The following ZNF451 variants were observed in gnomAD, a reference collection of about 807,000 sequenced individuals.
ZNF451 encodes E3 SUMO-protein ligase ZNF451.
A neutral mutation model predicts 107.1 loss-of-function variants in ZNF451; 80 were observed. That is an observed-to-expected ratio of 0.75 (90% CI 0.62 to 0.90). The LOEUF (loss-of-function observed/expected upper bound fraction) is 0.90. Ranked by LOEUF, ZNF451 falls within the 40% of genes least tolerant of loss-of-function variation. The probability of loss-of-function intolerance (pLI) is 0.00; values close to 1 mark genes in which losing one functional copy is unlikely to be tolerated. For missense variants in ZNF451, 1,107 were observed against 1,236.2 expected, an observed-to-expected ratio of 0.90 and a Z score of 1.57; for synonymous variants, 362 against 406.5, an observed-to-expected ratio of 0.89 and a Z score of 1.32.
At chr6:57,098,170 A>G (rs1029780022) in intron 2 of ZNF451, among the ~76,000 whole-genome samples, 6 of 149,376 alleles carry the variant, frequency 4.0e-5, no homozygotes, top group Non-Finnish European at 8.9e-5. Flanking sequence ...GAGTTTTACC[A>G]TGTTGGTCAG....
rs1764049988 is a variant in ZNF451, at chr6:57,169,786, T to C, written c.*1317T>C. 2.0e-5 allele frequency: 3 copies of C among 152,210 alleles called. No homozygotes were observed. Among genetic ancestry groups the C allele is most frequent in the African/African-American group, 4.8e-5 (2 of 41,452 alleles). 9.4% of individuals were successfully genotyped at this position (152,210 alleles called of 1,614,324 possible). ...ACATTGTGGCTTGAGAATTTATCAATCATCTTTCCGAAATGACCACATTGT... is the reference window on the plus strand; with the variant it reads ...ACATTGTGGCTTGAGAATTTATCAACCATCTTTCCGAAATGACCACATTGT... On this transcript the variant is annotated 3_prime_UTR_variant, in exon 15 of 15. Coordinates refer to ENST00000370706, the MANE Select transcript of ZNF451 (RefSeq NM_001031623.3).
chr6:57,158,574 T>C, intron 13 of ZNF451: 1 of 985,368 alleles, frequency 1.0e-6, no homozygotes, highest in Non-Finnish European at 1.2e-6. Flanking sequence ...CTTATTGGAG[T>C]ACTGCAACAT....
Position 57,142,065 on chromosome 6 carries a change from G to A in ZNF451, c.974G>A (p.Arg325His), listed in dbSNP as rs754581391. 1.4e-5 allele frequency: 23 copies of A among 1,613,244 alleles called. No homozygotes were observed. Among genetic ancestry groups the A allele is most frequent in the African/African-American group, 5.3e-5 (4 of 74,930 alleles). Residue 325 changes from arginine to histidine, a missense_variant, in exon 9 of 15, where the codon CGT (arginine) becomes CAT (histidine). Coordinates refer to ENST00000370706, the MANE Select transcript of ZNF451 (RefSeq NM_001031623.3). ...TGTGTGGCCTGCCACAAGACACTGC[G>A]TTCCCACATGGAGCTCACTGCCCAT... ...VKCVACHKTLRSHMELTAHFR... is the reference protein window; with the variant it reads ...VKCVACHKTLHSHMELTAHFR...
chr6:57,105,004 T>C, intron 3 of ZNF451: 1 of 982,748 alleles, frequency 1.0e-6, no homozygotes, highest in South Asian at 4.7e-5. Context: ...GTGTTAATTT[T>C]TTATTATTTT....
At chr6:57,128,090 A>G (rs1831016215) in intron 4 of ZNF451, among the ~76,000 whole-genome samples, 1 of 152,220 alleles carries the variant, frequency 6.6e-6, no homozygotes, top group Non-Finnish European at 1.5e-5. Context: ...CCCTTGGTCT[A>G]GATGGCAACA....
At chr6:57,102,376 C>G in intron 3 of ZNF451, 3 of 1,097,604 alleles carry the variant, frequency 2.7e-6, no homozygotes, top group Non-Finnish European at 3.3e-6. Context: ...GGAGGAGGAC[C>G]ACTCAGGAAT....
chr6:57,131,388 ACTTT>A (rs1353762713), intron 5 of ZNF451, among the ~76,000 whole-genome samples: 9 of 152,158 alleles, frequency 5.9e-5, no homozygotes, highest in African/African-American at 1.9e-4. Flanking sequence ...GGCTTCTCCA[ACTTT>A]ATTTTTATCC....
At chr6:57,165,450 T>C (rs557419606) in intron 14 of ZNF451, 4 of 152,254 alleles carry the variant, frequency 2.6e-5, no homozygotes, top group South Asian at 2.1e-4. Context: ...GATTGATTGA[T>C]TGATTGATTG....
Position 57,102,051 on chromosome 6 carries a change from T to C in ZNF451, c.186+2910T>C, listed in dbSNP as rs145086843. 1.8e-4 allele frequency: 272 copies of C among 1,536,468 alleles called. No homozygotes were observed. The African/African-American group carries it at 2.2e-3, about 13-fold the overall frequency. ...AACCTCGAAACCACCCCTATAGATA[T>C]AGAAAGAAGGGAGACTCTCCAGAAC... On this transcript the variant is annotated intron_variant, in intron 3 of 14. Transcript: ENST00000370706.
chr6:57,103,192 A>G lies in ZNF451; in HGVS notation c.186+4051A>G. Reference sequence around the variant, plus strand: ...CTGACAATCTTGTCCCCTTATTGTAATAAAGAGGGATACCATCAGTCTAGA... The same window carrying G: ...CTGACAATCTTGTCCCCTTATTGTAGTAAAGAGGGATACCATCAGTCTAGA... On this transcript the variant is annotated intron_variant, in intron 3 of 14. Transcript: ENST00000370706. The G allele has an allele frequency of 4.1e-6, 4 of 985,458 alleles. No homozygotes were observed. In the South Asian group the frequency reaches 1.4e-4, roughly 35 times the overall value. 61.0% of individuals were successfully genotyped at this position (985,458 alleles called of 1,614,324 possible).
intron 4 of ZNF451, among the ~76,000 whole-genome samples, chr6:57,125,244 T>G (rs1364003372): frequency 6.6e-6 from 1 of 152,176 alleles, no homozygotes; most frequent in Non-Finnish European, 1.5e-5. Context: ...CCAGATTGCT[T>G]TCTCAAATTT....
intron 12 of ZNF451, among the ~76,000 whole-genome samples, chr6:57,153,400 T>TTC (rs1279012198): frequency 2.0e-5 from 3 of 151,316 alleles, no homozygotes; most frequent in African/African-American, 7.3e-5. Flanking sequence ...AGTTCTTTCT[T>TTC]TCTCTCTTTT....
Position 57,150,827 on chromosome 6 carries a change from A to G in ZNF451, c.2717A>G (p.His906Arg). The G allele has an allele frequency of 6.2e-7, 1 of 1,614,098 alleles. No homozygotes were observed. Among genetic ancestry groups the G allele is most frequent in the Non-Finnish European group, 8.5e-7 (1 of 1,179,998 alleles). Residue 906 changes from histidine (H) to arginine (R), a missense_variant, in exon 11 of 15, where the codon CAT (histidine) becomes CGT (arginine). Physicochemically the swap from His to Arg is conservative, Grantham distance 29. Coordinates refer to ENST00000370706, the MANE Select transcript of ZNF451 (RefSeq NM_001031623.3). Reference sequence around the variant, plus strand: ...AACTTTTTTGGTCATCTACCAGGGCATCTAAACCAAGGAACATTTATTTGG... The same window carrying G: ...AACTTTTTTGGTCATCTACCAGGGCGTCTAAACCAAGGAACATTTATTTGG... Reference protein sequence around the residue: ...WSNFFGHLPGHLNQGTFIWGF... With the variant: ...WSNFFGHLPGRLNQGTFIWGF...
chr6:57,116,248 CAAG>C (rs1830360045), intron 3 of ZNF451: 1 of 152,138 alleles, frequency 6.6e-6, no homozygotes, highest in Non-Finnish European at 1.5e-5. Context: ...CCCCCAAAGC[CAAG>C]ATTTGTAATG....
chr6:57,147,731 A>C lies in ZNF451; in HGVS notation c.1646A>C (p.His549Pro). Residue 549 changes from histidine (H) to proline (P), a missense_variant, in exon 10 of 15, where the codon CAT (histidine) becomes CCT (proline). His to Pro is a moderately conservative substitution (Grantham distance 77, BLOSUM62 -2). This residue lies in a region of ZNF451 where 608 missense variants were observed against 649.2 expected (regional missense o/e 0.94). Transcript: ENST00000370706. Reference sequence around the variant, plus strand: ...ACAAGGAAAGATACTATCATGGCACATGTGACTGAATTTCATAATGGACAC... The same window carrying C: ...ACAAGGAAAGATACTATCATGGCACCTGTGACTGAATTTCATAATGGACAC... ...ELTRKDTIMAHVTEFHNGHRY... is the reference protein window; with the variant it reads ...ELTRKDTIMAPVTEFHNGHRY... 6.2e-7 allele frequency: 1 copy of C among 1,613,966 alleles called. No homozygotes were observed. The highest frequency in any genetic ancestry group is 8.5e-7 in the Non-Finnish European group (1 of 1,179,970).
chr6:57,117,326 A>AT (rs5876529), intron 3 of ZNF451, among the ~76,000 whole-genome samples: 146,001 of 147,420 alleles, frequency 0.99, 72,293 homozygotes, highest in East Asian at 1. Flanking sequence ...ATTTTAGAGC[A>AT]TTTTTTTTTT....
At chr6:57,103,486 A>G in intron 3 of ZNF451, 2 of 985,348 alleles carry the variant, frequency 2.0e-6, no homozygotes, top group Non-Finnish European at 2.4e-6. Flanking sequence ...CCTCAATTAT[A>G]TGTCCCACAG....
At chr6:57,096,520 T>C (rs1829322623) in intron 2 of ZNF451, among the ~76,000 whole-genome samples, 1 of 150,066 alleles carries the variant, frequency 6.7e-6, no homozygotes, top group South Asian at 2.1e-4. Context: ...CATTTTACTT[T>C]TTACCTTGCA....
At position 57,148,258 on chromosome 6, in the gene ZNF451, C is replaced by T. The variant is rs767171327; in HGVS notation, c.2173C>T (p.Arg725Cys). 2.9e-5 allele frequency: 46 copies of T among 1,613,690 alleles called. 1 individual carries two copies. Among genetic ancestry groups the T allele is most frequent in the South Asian group, 2.6e-4 (24 of 91,042 alleles). The change falls in exon 10 of 15, where the codon CGT becomes TGT. Residue 725 changes from arginine (R) to cysteine (C), a missense_variant. This residue lies in a region of ZNF451 where 608 missense variants were observed against 649.2 expected (regional missense o/e 0.94). Coordinates refer to ENST00000370706, the MANE Select transcript of ZNF451 (RefSeq NM_001031623.3). ...ETSNQLTCGC[R>C]ESYICKVNRK... ...CAGTAACCAGTTAACTTGTGGTTGC[C>T]GTGAGAGTTACATCTGTAAAGTCAA...
Sources: allele counts gnomAD v4.1 joint callset (sites outside exome capture counted in the v4.1 genomes callset), GRCh38; gene constraint gnomAD v4.1.1; regional missense constraint gnomAD v4.1.1; transcripts MANE v1.5; gene names NCBI Gene and HGNC (gene_info 2026-07-23, HGNC 2026-07-21).